The following BCL7B variants were observed in gnomAD, a reference collection of about 807,000 sequenced individuals.
BCL7B encodes B-cell CLL/lymphoma 7 protein family member B.
Under a neutral mutation model 26.5 loss-of-function variants are expected in BCL7B, and 11 were observed. The observed-to-expected ratio is 0.42, with a 90% CI of 0.26 to 0.69. BCL7B has a LOEUF of 0.69. Among genes scored for constraint, BCL7B ranks in the 30% least tolerant of loss-of-function variants. The probability of loss-of-function intolerance (pLI) is 0.28; values close to 1 mark genes in which losing one functional copy is unlikely to be tolerated. For synonymous variants in BCL7B, 111 were observed against 107.9 expected (o/e 1.03, Z -0.18); for missense variants, 215 against 264.4 (o/e 0.81, Z 1.30).
At position 73,540,473 on chromosome 7, in the gene BCL7B, G is replaced by A. The variant is rs559890643; in HGVS notation, c.266-421C>T. 1.3e-3 allele frequency: 225 copies of A among 172,880 alleles called. 1 individual carries two copies. Among genetic ancestry groups the A allele is most frequent in the African/African-American group, 4.9e-3 (207 of 42,634 alleles). The allele number at this position is 172,880 out of a possible 1,614,324, so 10.7% of individuals were successfully genotyped here. On this transcript the variant is annotated intron_variant, in intron 3 of 5. Coordinates refer to ENST00000223368, the MANE Select transcript of BCL7B (RefSeq NM_001707.4). ...CTCAGGCTTCGGCTGCCGGACTGAC[G>A]GATTAGCACCTGGGAGTTCTGCCTG...
chr7:73,540,160 A>C (rs1791702243), intron 3 of BCL7B, 108 bp from the exon 4 acceptor site: 1 of 1,171,706 alleles, frequency 8.5e-7, no homozygotes, highest in Non-Finnish European at 1.2e-6. Context: ...CCAAGGATAC[A>C]ACTGAGTATA....
chr7:73,557,292 G>A (rs1554584836), intron 1 of BCL7B, 195 bp downstream of exon 1: 5 of 1,150,338 alleles, frequency 4.3e-6, no homozygotes, highest in African/African-American at 1.6e-5. Flanking sequence ...CCCGCGAGCC[G>A]GGAGGACCGC....
At chr7:73,550,332 G>C (rs1269903552) in intron 2 of BCL7B, among the ~76,000 whole-genome samples, 1 of 152,086 alleles carries the variant, frequency 6.6e-6, no homozygotes, top group Non-Finnish European at 1.5e-5. Flanking sequence ...GATTACTTGA[G>C]GTCAGGAGTT....
intron 2 of BCL7B, among the ~76,000 whole-genome samples, chr7:73,544,469 TACAAAA>T (rs1554583273): frequency 3.3e-4 from 50 of 150,696 alleles, no homozygotes; most frequent in African/African-American, 1.2e-3. Flanking sequence ...TAAATAAAAA[TACAAAA>T]ATGAGCCTGG....
chr7:73,538,844 GA>G (rs1369490249), intron 4 of BCL7B, among the ~76,000 whole-genome samples: 16 of 134,534 alleles, frequency 1.2e-4, no homozygotes, highest in Non-Finnish European at 2.0e-4. Context: ...AAAAAGAAAA[GA>G]AAAAAATTTA....
rs782388247 is a variant in BCL7B at position 73,537,268 on chromosome 7, A to G, written c.*30T>C. 9 of 1,609,492 alleles carry G rather than the reference A, an allele frequency of 5.6e-6. No individual in the cohort carries two copies. The highest frequency in any genetic ancestry group is 7.7e-6 in the Non-Finnish European group (9 of 1,176,258). ...GAACCAGAATGCAATAAATAGAGGC[A>G]GGGCCAGGAGGCGGAGGGCCGGGAT... On this transcript the variant is annotated 3_prime_UTR_variant, in exon 6 of 6. Coordinates refer to ENST00000223368, the MANE Select transcript of BCL7B (RefSeq NM_001707.4).
intron 4 of BCL7B, 22 bp downstream of exon 4, chr7:73,539,860 T>C (rs1791689015): frequency 6.2e-7 from 1 of 1,607,446 alleles, no homozygotes; most frequent in Non-Finnish European, 8.5e-7. Flanking sequence ...AGGAAACTCA[T>C]CCTCGGCCAA....
chr7:73,556,922 A>T, intron 1 of BCL7B: 1 of 980,980 alleles, frequency 1.0e-6, no homozygotes, highest in Non-Finnish European at 1.2e-6. Context: ...CGGGGCAGCA[A>T]GAGAAAATGC....
rs56278678 is a variant in BCL7B, at chr7:73,541,249, C to T, written c.266-1197G>A. Among the ~76,000 whole-genome samples the T allele has an allele frequency of 8.7e-3, 1,329 of 152,266 alleles. 11 individuals carry two copies. The highest frequency in any genetic ancestry group is 0.015 in the Non-Finnish European group (1,044 of 68,024). ...GCCAGTCACCAAAGTGTTTCCCCCT[C>T]CTGCTCTGGTATCATTTGTGCTCAT... On this transcript the variant is annotated intron_variant, in intron 3 of 5. Coordinates refer to ENST00000223368, the MANE Select transcript of BCL7B (RefSeq NM_001707.4).
chr7:73,553,766 C>T (rs1742980387), intron 1 of BCL7B: 2 of 154,306 alleles, frequency 1.3e-5, no homozygotes. Flanking sequence ...TTGCTGTGTT[C>T]CAAAGGGGTA....
At chr7:73,557,150 C>G (rs1336060483) in intron 1 of BCL7B, 3 of 1,009,516 alleles carry the variant, frequency 3.0e-6, no homozygotes, top group Non-Finnish European at 3.5e-6. Context: ...GGGGCCACTG[C>G]CCAGGAAGAG....
rs782042885 is a variant in BCL7B at position 73,539,946 on chromosome 7, T to A, written c.372A>T (p.Ala124=). The change falls in exon 4 of 6, where the codon GCA becomes GCT. Residue 124 remains alanine, a synonymous_variant. Coordinates refer to ENST00000223368, the MANE Select transcript of BCL7B (RefSeq NM_001707.4). The stretch of plus-strand genomic sequence containing the variant: ...CATCCGTGCGGAAGTCGGAGGTGTG[T>A]GCTGGGCTCAGGGACTCACTCTGCT... ...SPQQSESLSP[A]HTSDFRTDDS... 1 of 1,614,098 alleles carries A rather than the reference T, an allele frequency of 6.2e-7. No homozygotes were observed. The highest frequency in any genetic ancestry group is 1.7e-5 in the Admixed American group (1 of 59,990).
At chr7:73,553,121 TG>T (rs1256457244) in intron 1 of BCL7B, among the ~76,000 whole-genome samples, 2 of 147,190 alleles carry the variant, frequency 1.4e-5, no homozygotes, top group African/African-American at 5.1e-5. Flanking sequence ...GTTGGGGTGG[TG>T]GGGTGGGGGT....
At chr7:73,542,512 T>C (rs1382970603) in intron 3 of BCL7B, among the ~76,000 whole-genome samples, 2 of 152,222 alleles carry the variant, frequency 1.3e-5, no homozygotes, top group Admixed American at 1.3e-4. Flanking sequence ...ACTGTCACTT[T>C]TGAGCTTAGA....
intron 2 of BCL7B, among the ~76,000 whole-genome samples, chr7:73,550,703 G>A (rs1231911956): frequency 6.6e-6 from 1 of 151,104 alleles, no homozygotes; most frequent in Non-Finnish European, 1.5e-5. Context: ...TGTCGCCCAG[G>A]CTGGAGTGCA....
intron 1 of BCL7B, among the ~76,000 whole-genome samples, chr7:73,556,579 T>C (rs1554584743): frequency 1.3e-5 from 2 of 152,184 alleles, no homozygotes; most frequent in African/African-American, 4.8e-5. Flanking sequence ...ACCGATATAG[T>C]ATGTATCGGA....
chr7:73,538,810 C>A (rs1583984522), intron 4 of BCL7B, among the ~76,000 whole-genome samples: 3 of 125,196 alleles, frequency 2.4e-5, no homozygotes, highest in African/African-American at 3.1e-5. Context: ...AAGACCCTAT[C>A]TCTTTAAAAA....
chr7:73,537,396 A>G lies in BCL7B; in HGVS notation c.517-6T>C. 1 of 1,613,096 alleles carries G rather than the reference A, an allele frequency of 6.2e-7. No homozygotes were observed. The highest frequency in any genetic ancestry group is 1.1e-5 in the South Asian group (1 of 91,054). On this transcript the variant is annotated splice_polypyrimidine_tract_variant and splice_region_variant and intron_variant, in intron 5 of 5. Coordinates refer to ENST00000223368, the MANE Select transcript of BCL7B (RefSeq NM_001707.4). ...TCTTCCTCTTCCTCAACGACCTAGG[A>G]GCAGGCAGAGCATGGAATGCCAGGG...
chr7:73,551,140 C>G (rs1400645778), intron 2 of BCL7B, among the ~76,000 whole-genome samples: 1 of 152,146 alleles, frequency 6.6e-6, no homozygotes, highest in East Asian at 1.9e-4. Context: ...CGCATAAGAG[C>G]AAGTATCAGC....
Sources: gnomAD v4.1 joint callset for allele counts (sites outside exome capture counted in the v4.1 genomes callset) on GRCh38, gnomAD v4.1.1 for gene constraint, MANE v1.5 for transcripts, NCBI Gene and HGNC (gene_info 2026-07-23, HGNC 2026-07-21) for gene names.